ALK: variants seen among roughly 807,000 people sequenced by gnomAD.
The protein encoded by ALK is ALK receptor tyrosine kinase.
A neutral mutation model predicts 163.1 loss-of-function variants in ALK; 74 were observed. The ratio of observed to expected loss-of-function variants is 0.45; its 90% CI spans 0.38 to 0.55. The LOEUF (loss-of-function observed/expected upper bound fraction) is 0.55. Ranked by LOEUF, ALK falls within the 20% of genes least tolerant of loss-of-function variation. The probability of loss-of-function intolerance (pLI) is 0.00; values close to 1 mark genes in which losing one functional copy is unlikely to be tolerated. For synonymous variants in ALK, 960 were observed against 843.2 expected, an observed-to-expected ratio of 1.14 and a Z score of -2.40; for missense variants, 2,063 against 2,105.3, an observed-to-expected ratio of 0.98 and a Z score of 0.39.
intron 25 of ALK, 136 bp from the exon 26 acceptor site, chr2:29,207,408 G>GTTCA: frequency 1.4e-6 from 1 of 732,888 alleles, no homozygotes; most frequent in South Asian, 1.5e-5. Context: ...GTCCTTGGCG[G>GTTCA]TTCAGGAGGA....
chr2:29,728,152 A>G lies in ALK; in HGVS notation c.668-10455T>C, dbSNP rs575952200. On this transcript the variant is annotated intron_variant, in intron 1 of 28. Coordinates refer to ENST00000389048, the MANE Select transcript of ALK (RefSeq NM_004304.5). The stretch of plus-strand genomic sequence containing the variant: ...AAAAATCACTGAGAAAGAAACCAAT[A>G]CTTCATGTGTGCCTATTACACACGG... Among the ~76,000 whole-genome samples the G allele has an allele frequency of 3.8e-4, 58 of 152,242 alleles. 1 individual carries two copies. Among genetic ancestry groups the G allele is most frequent in the African/African-American group, 1.1e-3 (45 of 41,540 alleles).
intron 5 of ALK, among the ~76,000 whole-genome samples, chr2:29,359,959 C>A (rs972245948): frequency 6.6e-6 from 1 of 152,226 alleles, no homozygotes; most frequent in Admixed American, 6.5e-5. Flanking sequence ...CAGACCATGA[C>A]GTTTCCACAG....
intron 1 of ALK, among the ~76,000 whole-genome samples, chr2:29,873,491 G>A (rs760539376): frequency 3.3e-5 from 5 of 152,166 alleles, no homozygotes; most frequent in African/African-American, 1.2e-4. Context: ...ATGGGGGACA[G>A]TGATGAGGAC....
chr2:29,504,928 A>G (rs917887359), intron 4 of ALK, among the ~76,000 whole-genome samples: 1 of 152,148 alleles, frequency 6.6e-6, no homozygotes, highest in Non-Finnish European at 1.5e-5. Flanking sequence ...GGGGGAGGCA[A>G]GGAGCCTGGA....
chr2:29,553,248 C>T (rs1000568512), intron 3 of ALK, among the ~76,000 whole-genome samples: 1 of 152,146 alleles, frequency 6.6e-6, no homozygotes, highest in African/African-American at 2.4e-5. Flanking sequence ...AGCTTAGCCT[C>T]CTTTTTCCCT....
chr2:29,385,988 G>A lies in ALK; in HGVS notation c.1155-2129C>T, dbSNP rs573155683. Among the ~76,000 whole-genome samples the A allele has an allele frequency of 5.9e-5, 9 of 152,282 alleles. No homozygotes were observed. The East Asian group carries it at 1.7e-3, about 29-fold the overall frequency. ...TCAATCCTGCCACAGTAAATCGGGGGCCCATTTCTGCATGCGCTTGCTAAC... is the reference window on the plus strand; with the variant it reads ...TCAATCCTGCCACAGTAAATCGGGGACCCATTTCTGCATGCGCTTGCTAAC... On this transcript the variant is annotated intron_variant, in intron 4 of 28. Transcript: ENST00000389048.
intron 11 of ALK, among the ~76,000 whole-genome samples, chr2:29,266,833 CAT>C (rs1159440051): frequency 6.6e-6 from 1 of 152,160 alleles, no homozygotes; most frequent in African/African-American, 2.4e-5. Flanking sequence ...GAATTCTGCC[CAT>C]CAGAATCCCC....
intron 11 of ALK, among the ~76,000 whole-genome samples, chr2:29,269,632 C>T (rs1328298959): frequency 6.6e-6 from 1 of 152,108 alleles, no homozygotes; most frequent in Admixed American, 6.5e-5. Flanking sequence ...CACTAGTGTG[C>T]TTGCTATAAA....
intron 3 of ALK, among the ~76,000 whole-genome samples, chr2:29,554,992 T>C (rs571034660): frequency 1.8e-4 from 27 of 152,270 alleles, no homozygotes; most frequent in African/African-American, 6.3e-4. Context: ...AGGGGAAGCA[T>C]GAATAATCTA....
intron 1 of ALK, among the ~76,000 whole-genome samples, chr2:29,784,389 T>C (rs1663941624): frequency 6.6e-6 from 1 of 152,114 alleles, no homozygotes; most frequent in East Asian, 1.9e-4. Context: ...AAATTGAGGT[T>C]GAGTGGAGTT....
intron 3 of ALK, among the ~76,000 whole-genome samples, chr2:29,559,797 G>GTGTGTGTGTT (rs1437698276): frequency 2.7e-5 from 4 of 148,090 alleles, no homozygotes; most frequent in African/African-American, 9.8e-5. Context: ...GTGTGTGTGT[G>GTGTGTGTGTT]TGTGTATTAG....
chr2:29,200,826 C>CGT (rs1460750158), intron 26 of ALK, among the ~76,000 whole-genome samples: 21 of 93,894 alleles, frequency 2.2e-4, no homozygotes, highest in African/African-American at 7.1e-4. Flanking sequence ...TACATATATA[C>CGT]GTATATATAT....
chr2:29,322,773 G>C (rs1667105393), intron 6 of ALK, among the ~76,000 whole-genome samples: 1 of 152,214 alleles, frequency 6.6e-6, no homozygotes. Context: ...GGTGGAAGTT[G>C]CAGTGAGCCA....
intron 26 of ALK, among the ~76,000 whole-genome samples, chr2:29,200,760 T>TGTATATATGTATATATAC (rs1669145709): frequency 9.5e-6 from 1 of 104,970 alleles, no homozygotes; most frequent in Non-Finnish European, 1.7e-5. Context: ...TACGTATATA[T>TGTATATATGTATATATAC]GTATATATAT....
intron 1 of ALK, among the ~76,000 whole-genome samples, chr2:29,851,284 C>A (rs190727119): frequency 6.6e-6 from 1 of 152,228 alleles, no homozygotes; most frequent in Admixed American, 6.5e-5. Context: ...AAATCTTTTC[C>A]CCGGTTTACA....
intron 1 of ALK, among the ~76,000 whole-genome samples, chr2:29,842,752 C>T (rs996593339): frequency 1.5e-4 from 23 of 152,206 alleles, no homozygotes; most frequent in African/African-American, 5.5e-4. Context: ...CTGCATTGGA[C>T]TGTGTAGACC....
intron 4 of ALK, among the ~76,000 whole-genome samples, chr2:29,475,401 C>T (rs1465743819): frequency 6.6e-6 from 1 of 152,176 alleles, no homozygotes; most frequent in Non-Finnish European, 1.5e-5. Flanking sequence ...CTCTCCTGCC[C>T]AAGGTCACAC....
chr2:29,642,625 T>G (rs1235667977), intron 3 of ALK, among the ~76,000 whole-genome samples: 1 of 152,182 alleles, frequency 6.6e-6, no homozygotes, highest in Non-Finnish European at 1.5e-5. Context: ...AGCTTCCTTT[T>G]TCACTGGGTC....
chr2:29,274,895 A>G (rs1665492513), intron 11 of ALK, among the ~76,000 whole-genome samples: 1 of 151,810 alleles, frequency 6.6e-6, no homozygotes, highest in Non-Finnish European at 1.5e-5. Flanking sequence ...CCTTTGTACA[A>G]CCTCCAGAGG....
Sources: allele counts gnomAD v4.1 joint callset (sites outside exome capture counted in the v4.1 genomes callset), GRCh38; gene constraint gnomAD v4.1.1; transcripts MANE v1.5; gene names NCBI Gene and HGNC (gene_info 2026-07-23, HGNC 2026-07-21).